The following SGCE variants were observed in gnomAD, a reference collection of about 807,000 sequenced individuals.
SGCE encodes epsilon-sarcoglycan.
A neutral mutation model predicts 57.8 loss-of-function variants in SGCE; 26 were observed. That is an observed-to-expected ratio of 0.45 (90% CI 0.33 to 0.62). The LOEUF (loss-of-function observed/expected upper bound fraction) is 0.62. Among genes scored for constraint, SGCE ranks in the 20% least tolerant of loss-of-function variants. The pLI, the probability that SGCE is intolerant of heterozygous loss-of-function variation, is 0.02. For missense variants in SGCE, 468 were observed against 548.6 expected, an observed-to-expected ratio of 0.85 and a Z score of 1.47; for synonymous variants, 183 against 189.5, an observed-to-expected ratio of 0.97 and a Z score of 0.28.
intron 10 of SGCE, 90 bp downstream of exon 10, chr7:94,588,599 A>T: frequency 6.4e-7 from 1 of 1,551,508 alleles, no homozygotes. Context: ...TTTGGTGAAG[A>T]TAAAGCTTCA....
chr7:94,646,840 C>G (rs1807158755), intron 1 of SGCE, among the ~76,000 whole-genome samples: 1 of 152,204 alleles, frequency 6.6e-6, no homozygotes, highest in African/African-American at 2.4e-5. Context: ...TATTAATTTC[C>G]TTAATTATAA....
intron 2 of SGCE, 48 bp from the exon 3 acceptor site, chr7:94,628,407 A>ATG (rs774519881): frequency 6.7e-7 from 1 of 1,488,830 alleles, no homozygotes. Flanking sequence ...ATTTTCACAC[A>ATG]TGTTGCTTTG....
chr7:94,592,868 C>T (rs971827874), intron 9 of SGCE, among the ~76,000 whole-genome samples: 2 of 152,072 alleles, frequency 1.3e-5, no homozygotes, highest in African/African-American at 4.8e-5. Flanking sequence ...GAAAATGACA[C>T]TAGTTGTGTG....
At chr7:94,623,571 T>C (rs1257753021) in intron 3 of SGCE, 174 bp from the exon 4 acceptor site, 20 of 594,418 alleles carry the variant, frequency 3.4e-5, no homozygotes, top group African/African-American at 7.5e-5. Context: ...AGCAATATTA[T>C]GGGAAAATAA....
chr7:94,623,707 G>T, intron 3 of SGCE: 1 of 406,670 alleles, frequency 2.5e-6, no homozygotes, highest in East Asian at 3.6e-5. Context: ...TAACCATTAT[G>T]AATTACTTAC....
intron 1 of SGCE, among the ~76,000 whole-genome samples, chr7:94,649,035 G>A (rs1055989256): frequency 1.3e-5 from 2 of 152,164 alleles, no homozygotes; most frequent in Admixed American, 6.5e-5. Context: ...TAAATGAGCG[G>A]CTTCATTTAT....
intron 9 of SGCE, among the ~76,000 whole-genome samples, chr7:94,595,149 A>G (rs1440165637): frequency 6.6e-6 from 1 of 152,130 alleles, no homozygotes; most frequent in African/African-American, 2.4e-5. Context: ...ATTTTTTCTT[A>G]CTGACTAATT....
intron 1 of SGCE, among the ~76,000 whole-genome samples, chr7:94,638,699 C>T (rs1188347792): frequency 6.7e-6 from 1 of 149,590 alleles, no homozygotes; most frequent in Non-Finnish European, 1.5e-5. Context: ...ATTTTGAAAA[C>T]AACTAATATT....
At chr7:94,613,716 T>C (rs1801425293) in intron 5 of SGCE, among the ~76,000 whole-genome samples, 1 of 152,236 alleles carries the variant, frequency 6.6e-6, no homozygotes, top group Admixed American at 6.5e-5. Context: ...CCAATGATTG[T>C]ATTTTTTCCT....
intron 5 of SGCE, among the ~76,000 whole-genome samples, chr7:94,613,066 AGGTAGCCTACT>A (rs1254858968): frequency 2.6e-5 from 4 of 152,236 alleles, no homozygotes; most frequent in Non-Finnish European, 5.9e-5. Context: ...CACTGTCCTC[AGGTAGCCTACT>A]GGCTAAATGA....
At position 94,631,039 on chromosome 7, in the gene SGCE, G is replaced by C. The variant is rs535398230; in HGVS notation, c.110-1198C>G. 2.0e-5 allele frequency among the ~76,000 whole-genome samples: 3 copies of C among 152,102 alleles called. No homozygotes were observed. In the East Asian group the frequency reaches 5.8e-4, roughly 29 times the overall value. ...TGACTTGTAGCTTCACGTATCTACAGATTTACTACTAAAAACATAACTTCA... is the reference window on the plus strand; with the variant it reads ...TGACTTGTAGCTTCACGTATCTACACATTTACTACTAAAAACATAACTTCA... On this transcript the variant is annotated intron_variant, in intron 1 of 10. Transcript: ENST00000648936.
At chr7:94,623,933 A>C (rs968009459) in intron 3 of SGCE, 3 of 370,224 alleles carry the variant, frequency 8.1e-6, no homozygotes, top group African/African-American at 2.1e-5. Context: ...TAAGGATCAT[A>C]GTCCATGAAG....
rs192117691 is a variant in SGCE at position 94,613,433 on chromosome 7, G to A, written c.662+5325C>T. On this transcript the variant is annotated intron_variant, in intron 5 of 10. Transcript: ENST00000648936. Reference sequence around the variant, plus strand: ...TAGCACATGTTTTCAAATTTCAAATGTGTATAAACAGATGAGACAGGAGGC... The same window carrying A: ...TAGCACATGTTTTCAAATTTCAAATATGTATAAACAGATGAGACAGGAGGC... Among the ~76,000 whole-genome samples the A allele has an allele frequency of 2.2e-4, 33 of 152,214 alleles. No individual in the cohort carries two copies. In the East Asian group the frequency reaches 5.8e-3, roughly 27 times the overall value.
At chr7:94,589,244 A>G (rs1241042836) in intron 9 of SGCE, 2 of 164,900 alleles carry the variant, frequency 1.2e-5, no homozygotes, top group Non-Finnish European at 2.7e-5. Context: ...GCATTGGCGG[A>G]ATGCAGAAGT....
intron 4 of SGCE, chr7:94,622,332 A>G (rs1255846137): frequency 6.6e-6 from 1 of 152,184 alleles, no homozygotes; most frequent in Non-Finnish European, 1.5e-5. Context: ...CATGATTTAT[A>G]CAATTCAACT....
At chr7:94,586,683 G>C (rs1004018396) in intron 10 of SGCE, 2 of 210,492 alleles carry the variant, frequency 9.5e-6, no homozygotes, top group Admixed American at 1.3e-4. Flanking sequence ...TATTTTTTTA[G>C]TAGAGACAGG....
intron 4 of SGCE, chr7:94,619,630 T>TA (rs1286177667): frequency 6.6e-6 from 1 of 152,208 alleles, no homozygotes; most frequent in Non-Finnish European, 1.5e-5. Context: ...ATTGTTCTCT[T>TA]ACGATAAATA....
At chr7:94,625,213 A>G (rs1299954374) in intron 3 of SGCE, 1 of 152,112 alleles carries the variant, frequency 6.6e-6, no homozygotes, top group Non-Finnish European at 1.5e-5. Context: ...TAGTAGACTT[A>G]TATGATTAAA....
At chr7:94,649,471 G>A (rs1276820636) in intron 1 of SGCE, among the ~76,000 whole-genome samples, 1 of 152,202 alleles carries the variant, frequency 6.6e-6, no homozygotes, top group South Asian at 2.1e-4. Flanking sequence ...GAGCAAGCAA[G>A]CACTGCATTC....
Sources: gnomAD v4.1 joint callset for allele counts (sites outside exome capture counted in the v4.1 genomes callset) on GRCh38, gnomAD v4.1.1 for gene constraint, MANE v1.5 for transcripts, NCBI Gene and HGNC (gene_info 2026-07-23, HGNC 2026-07-21) for gene names.